EPB41L4B: variants seen among roughly 807,000 people sequenced by gnomAD.
EPB41L4B encodes erythrocyte membrane protein band 4.1 like 4B.
Under a neutral mutation model 112.5 loss-of-function variants are expected in EPB41L4B, and 30 were observed. The ratio of observed to expected loss-of-function variants is 0.27; its 90% CI spans 0.20 to 0.36. The LOEUF is 0.36. Among genes scored for constraint, EPB41L4B ranks in the 10% least tolerant of loss-of-function variants. The probability of loss-of-function intolerance (pLI) is 1.00; values close to 1 mark genes in which losing one functional copy is unlikely to be tolerated. For synonymous variants in EPB41L4B, 408 were observed against 439.7 expected, an observed-to-expected ratio of 0.93 and a Z score of 0.90; for missense variants, 1,024 against 1,133.3, an observed-to-expected ratio of 0.90 and a Z score of 1.38.
Position 109,174,495 on chromosome 9 carries a change from C to A in EPB41L4B, c.*59G>T. 6.6e-7 allele frequency: 1 copy of A among 1,506,232 alleles called. No homozygotes were observed. The highest frequency in any genetic ancestry group is 1.1e-5 in the South Asian group (1 of 88,882). 93.3% of individuals were successfully genotyped at this position (1,506,232 alleles called of 1,614,324 possible). On this transcript the variant is annotated 3_prime_UTR_variant, in exon 26 of 26. Coordinates refer to ENST00000374566, the MANE Select transcript of EPB41L4B (RefSeq NM_019114.5). ...TGTGCTAGAGTGAGCACACAAAGCCCGAAGAAAGAAGACGGACAGAAGGCA... is the reference window on the plus strand; with the variant it reads ...TGTGCTAGAGTGAGCACACAAAGCCAGAAGAAAGAAGACGGACAGAAGGCA...
intron 1 of EPB41L4B, 45 bp from the exon 2 acceptor site, chr9:109,279,966 T>A: frequency 6.8e-7 from 1 of 1,469,056 alleles, no homozygotes; most frequent in Admixed American, 2.0e-5. Flanking sequence ...GTGAGACAGC[T>A]AGATAAGAAA....
intron 6 of EPB41L4B, 117 bp from the exon 7 acceptor site, chr9:109,258,414 A>G: frequency 9.3e-7 from 1 of 1,074,830 alleles, no homozygotes; most frequent in Non-Finnish European, 1.4e-6. Flanking sequence ...GCCCCAATGT[A>G]TAACTCTCTC....
At chr9:109,252,266 C>T (rs990365624) in intron 12 of EPB41L4B, among the ~76,000 whole-genome samples, 2 of 152,146 alleles carry the variant, frequency 1.3e-5, no homozygotes, top group Non-Finnish European at 2.9e-5. Flanking sequence ...GAAAATTGTT[C>T]CTTACACTGA....
chr9:109,266,237 G>A (rs916070319), intron 4 of EPB41L4B, among the ~76,000 whole-genome samples: 1 of 152,126 alleles, frequency 6.6e-6, no homozygotes, highest in Non-Finnish European at 1.5e-5. Context: ...TTAGCCAGGG[G>A]TGGTGGCACA....
chr9:109,259,391 G>A (rs977742510), intron 6 of EPB41L4B, among the ~76,000 whole-genome samples: 1 of 152,200 alleles, frequency 6.6e-6, no homozygotes, highest in Non-Finnish European at 1.5e-5. Context: ...CTAAGAACTG[G>A]CTTTTCTAAC....
At chr9:109,301,909 A>T (rs751788881) in intron 1 of EPB41L4B, among the ~76,000 whole-genome samples, 1 of 152,206 alleles carries the variant, frequency 6.6e-6, no homozygotes, top group Non-Finnish European at 1.5e-5. Flanking sequence ...TCTCAAAAAT[A>T]AATAAACAAA....
At chr9:109,268,470 C>T in intron 2 of EPB41L4B, 37 bp from the exon 3 acceptor site, 1 of 1,587,226 alleles carries the variant, frequency 6.3e-7, no homozygotes, top group Non-Finnish European at 8.6e-7. Flanking sequence ...AGGAATAGTT[C>T]ATCAGCAAGG....
At chr9:109,180,552 A>G (rs1832018296) in intron 24 of EPB41L4B, among the ~76,000 whole-genome samples, 1 of 152,076 alleles carries the variant, frequency 6.6e-6, no homozygotes, top group South Asian at 2.1e-4. Flanking sequence ...CTAGAAATGG[A>G]CTGTTCTAGG....
At chr9:109,256,513 G>T (rs754149966) in intron 7 of EPB41L4B, 33 bp from the exon 8 acceptor site, 1 of 1,589,400 alleles carries the variant, frequency 6.3e-7, no homozygotes, top group African/African-American at 1.3e-5. Flanking sequence ...CATGTAAACT[G>T]CGACTCGTAA....
Position 109,220,144 on chromosome 9 carries a change from C to T in EPB41L4B, c.1410-2999G>A, listed in dbSNP as rs542022729. On this transcript the variant is annotated intron_variant, in intron 15 of 25. Transcript: ENST00000374566. Reference sequence around the variant, plus strand: ...GTACTTGGGTTTTTCCAATTAATAACCCACATGCTTGAAATCAGAGGAGGT... The same window carrying T: ...GTACTTGGGTTTTTCCAATTAATAATCCACATGCTTGAAATCAGAGGAGGT... 9.2e-5 allele frequency among the ~76,000 whole-genome samples: 14 copies of T among 152,270 alleles called. No homozygotes were observed. The South Asian group carries it at 2.7e-3, about 29-fold the overall frequency.
At chr9:109,262,464 T>TGG (rs1835246564) in intron 6 of EPB41L4B, among the ~76,000 whole-genome samples, 1 of 151,532 alleles carries the variant, frequency 6.6e-6, no homozygotes, top group African/African-American at 2.4e-5. Flanking sequence ...TGTGTGTGTG[T>TGG]GTGTGTGTGT....
intron 15 of EPB41L4B, among the ~76,000 whole-genome samples, chr9:109,236,856 G>A (rs377036610): frequency 6.6e-6 from 1 of 152,072 alleles, no homozygotes; most frequent in Non-Finnish European, 1.5e-5. Context: ...TCTGTCCACC[G>A]CCTCCTGTAG....
chr9:109,260,997 G>A (rs897367776), intron 6 of EPB41L4B, among the ~76,000 whole-genome samples: 4 of 152,274 alleles, frequency 2.6e-5, no homozygotes, highest in Admixed American at 6.5e-5. Flanking sequence ...ATGGCCTTCC[G>A]TCTCTTTTGT....
intron 1 of EPB41L4B, among the ~76,000 whole-genome samples, chr9:109,304,147 G>A (rs1227258170): frequency 1.3e-5 from 2 of 152,186 alleles, no homozygotes. Context: ...AAGATTTTGT[G>A]AGAATTAACC....
chr9:109,215,353 C>T (rs569798358), intron 16 of EPB41L4B, among the ~76,000 whole-genome samples: 1 of 152,120 alleles, frequency 6.6e-6, no homozygotes, highest in East Asian at 1.9e-4. Context: ...CATCTCGGCT[C>T]ACTGCAACCT....
rs147882832 is a variant in EPB41L4B at position 109,310,767 on chromosome 9, G to A, written c.306+9374C>T. Among the ~76,000 whole-genome samples the A allele has an allele frequency of 4.2e-3, 633 of 152,350 alleles. 4 individuals carry two copies. The highest frequency in any genetic ancestry group is 5.5e-3 in the Non-Finnish European group (376 of 68,036). ...AAGTGAATGGGTAGGACCGAGTTAA[G>A]ACGGTCCAGACCTGCATAAACATCC... On this transcript the variant is annotated intron_variant, in intron 1 of 25. Coordinates refer to ENST00000374566, the MANE Select transcript of EPB41L4B (RefSeq NM_019114.5).
chr9:109,320,837 G>T lies in EPB41L4B; in HGVS notation c.-391C>A. The T allele has an allele frequency of 6.9e-6, 1 of 145,806 alleles. No homozygotes were observed. The highest frequency in any genetic ancestry group is 2.0e-4 in the South Asian group (1 of 5,022). 9.0% of individuals were successfully genotyped at this position (145,806 alleles called of 1,614,324 possible). ...GCGGGCTGCGGGCTGCTCCCGCGCC[G>T]CGCGCCGGCCGAGGGCCAGCCGGAG... On this transcript the variant is annotated 5_prime_UTR_variant, in exon 1 of 26. Coordinates refer to ENST00000374566, the MANE Select transcript of EPB41L4B (RefSeq NM_019114.5).
intron 1 of EPB41L4B, among the ~76,000 whole-genome samples, chr9:109,303,649 GGCT>G (rs1837065377): frequency 6.6e-6 from 1 of 151,906 alleles, no homozygotes; most frequent in African/African-American, 2.4e-5. Flanking sequence ...CACCATGCCT[GGCT>G]GGGTTTTTTT....
chr9:109,230,617 T>C (rs1343179468), intron 15 of EPB41L4B, among the ~76,000 whole-genome samples: 1 of 152,240 alleles, frequency 6.6e-6, no homozygotes, highest in Admixed American at 6.5e-5. Flanking sequence ...ACTGATACAT[T>C]GTTACATGTT....
Sources: allele counts gnomAD v4.1 joint callset (sites outside exome capture counted in the v4.1 genomes callset), GRCh38; gene constraint gnomAD v4.1.1; transcripts MANE v1.5; gene names NCBI Gene and HGNC (gene_info 2026-07-23, HGNC 2026-07-21).